NRXN1: variants seen among roughly 807,000 people sequenced by gnomAD.
The protein encoded by NRXN1 is neurexin-1.
A neutral mutation model predicts 150.9 loss-of-function variants in NRXN1; 39 were observed. That is an observed-to-expected ratio of 0.26 (90% CI 0.20 to 0.34). NRXN1 has a LOEUF of 0.34. Ranked by LOEUF, NRXN1 falls within the 10% of genes least tolerant of loss-of-function variation. NRXN1 has a pLI of 1.00. For synonymous variants in NRXN1, 924 were observed against 757.0 expected (o/e 1.22, Z -3.62); for missense variants, 1,815 against 1,949.9 (o/e 0.93, Z 1.30).
intron 5 of NRXN1, among the ~76,000 whole-genome samples, chr2:50,748,879 C>G (rs1700277380): frequency 6.6e-6 from 1 of 152,038 alleles, no homozygotes; most frequent in African/African-American, 2.4e-5. Context: ...CAGTGAGTGT[C>G]TGGTTTCGGT....
intron 8 of NRXN1, among the ~76,000 whole-genome samples, chr2:50,612,210 A>C (rs1326981028): frequency 1.3e-5 from 2 of 151,516 alleles, no homozygotes; most frequent in African/African-American, 4.9e-5. Context: ...TCATTTGCCA[A>C]ATAGGGATAG....
chr2:50,057,443 T>A (rs12053092), intron 19 of NRXN1, among the ~76,000 whole-genome samples: 49,628 of 152,014 alleles, frequency 0.33, 8,573 homozygotes, highest in Non-Finnish European at 0.38. Flanking sequence ...CCTGATGTCA[T>A]CAGGTTACAT....
intron 17 of NRXN1, among the ~76,000 whole-genome samples, chr2:50,301,333 A>T (rs953842495): frequency 6.6e-6 from 1 of 152,202 alleles, no homozygotes; most frequent in Non-Finnish European, 1.5e-5. Context: ...GTGTCTACAG[A>T]CACAGAATTC....
intron 17 of NRXN1, among the ~76,000 whole-genome samples, chr2:50,319,335 A>G (rs371974834): frequency 6.6e-6 from 1 of 152,304 alleles, no homozygotes; most frequent in African/African-American, 2.4e-5. Flanking sequence ...AACGTAGCAT[A>G]AAGTTACACT....
chr2:50,875,191 GA>G (rs1364530115), intron 5 of NRXN1, among the ~76,000 whole-genome samples: 1 of 151,706 alleles, frequency 6.6e-6, no homozygotes, highest in Non-Finnish European at 1.5e-5. Context: ...ATTTTCTTAA[GA>G]GGGGTACATT....
At chr2:49,937,544 A>C (rs2104301863) in intron 22 of NRXN1, among the ~76,000 whole-genome samples, 1 of 152,284 alleles carries the variant, frequency 6.6e-6, no homozygotes, top group African/African-American at 2.4e-5. Context: ...ATATGGAAAA[A>C]ACATTTCCTA....
At chr2:50,345,058 T>C (rs1014784212) in intron 17 of NRXN1, among the ~76,000 whole-genome samples, 1 of 152,176 alleles carries the variant, frequency 6.6e-6, no homozygotes, top group African/African-American at 2.4e-5. Context: ...TGTGGTGAGA[T>C]CACCAGAAAC....
rs372622872 is a variant in NRXN1 at position 50,973,298 on chromosome 2, G to T, written c.773-47343C>A. Among the ~76,000 whole-genome samples, 12 of 152,270 alleles carry T rather than the reference G, an allele frequency of 7.9e-5. 1 individual carries two copies. The highest frequency in any genetic ancestry group is 2.9e-4 in the African/African-American group (12 of 41,566). ...AAGACACTGGCAAACACTGGTCACA[G>T]AAAATGCTCAGAGAGGTGCAGAGAC... On this transcript the variant is annotated intron_variant, in intron 2 of 22. Coordinates refer to ENST00000401669, the MANE Select transcript of NRXN1 (RefSeq NM_001330078.2).
At chr2:49,984,248 T>C (rs952705143) in intron 21 of NRXN1, among the ~76,000 whole-genome samples, 26 of 152,024 alleles carry the variant, frequency 1.7e-4, no homozygotes, top group African/African-American at 6.0e-4. Flanking sequence ...AGATAAGTAA[T>C]CTAACACACA....
At chr2:50,130,666 T>C (rs1705333093) in intron 18 of NRXN1, among the ~76,000 whole-genome samples, 1 of 152,182 alleles carries the variant, frequency 6.6e-6, no homozygotes, top group African/African-American at 2.4e-5. Flanking sequence ...GTACTCTGCA[T>C]GTGAGCAAGT....
At chr2:49,947,530 T>C (rs1673163513) in intron 21 of NRXN1, among the ~76,000 whole-genome samples, 2 of 146,548 alleles carry the variant, frequency 1.4e-5, no homozygotes, top group South Asian at 4.4e-4. Context: ...TTTTTTTTTT[T>C]TGTAGAGATA....
At chr2:50,205,917 G>T (rs1443529168) in intron 18 of NRXN1, among the ~76,000 whole-genome samples, 1 of 152,022 alleles carries the variant, frequency 6.6e-6, no homozygotes, top group African/African-American at 2.4e-5. Context: ...GGAATATGGA[G>T]AAAAAGTAGT....
chr2:50,492,699 G>A (rs2091325543), intron 15 of NRXN1, among the ~76,000 whole-genome samples: 2 of 152,038 alleles, frequency 1.3e-5, no homozygotes, highest in East Asian at 1.9e-4. Context: ...AAAACATAAG[G>A]AGGATAAAAA....
intron 17 of NRXN1, among the ~76,000 whole-genome samples, chr2:50,399,789 T>TAAAAAAAA (rs562980355): frequency 3.3e-5 from 2 of 60,518 alleles, no homozygotes; most frequent in Non-Finnish European, 6.1e-5. Flanking sequence ...AGAGAACTGG[T>TAAAAAAAA]AAAAAAAAAA....
At chr2:50,940,735 A>C (rs2104482266) in intron 2 of NRXN1, among the ~76,000 whole-genome samples, 1 of 152,282 alleles carries the variant, frequency 6.6e-6, no homozygotes, top group Middle Eastern at 3.4e-3. Context: ...TGGAATTCTA[A>C]GGTTTGGTTT....
intron 18 of NRXN1, among the ~76,000 whole-genome samples, chr2:50,220,448 T>C (rs2063798376): frequency 6.6e-6 from 1 of 151,918 alleles, no homozygotes; most frequent in Admixed American, 6.6e-5. Flanking sequence ...ACAAATGCTT[T>C]TTCTGGCCCA....
intron 18 of NRXN1, among the ~76,000 whole-genome samples, chr2:50,157,450 G>A (rs1234675959): frequency 3.9e-5 from 6 of 151,978 alleles, no homozygotes; most frequent in Non-Finnish European, 8.8e-5. Flanking sequence ...CCAGGAATAC[G>A]TATTTTATTC....
intron 19 of NRXN1, among the ~76,000 whole-genome samples, chr2:50,056,203 G>C (rs1251378463): frequency 5.9e-5 from 9 of 152,176 alleles, no homozygotes; most frequent in Non-Finnish European, 8.8e-5. Flanking sequence ...GGAGTGTTTT[G>C]TTAGAGAAGA....
chr2:50,362,245 G>C (rs990898703), intron 17 of NRXN1, among the ~76,000 whole-genome samples: 1 of 152,072 alleles, frequency 6.6e-6, no homozygotes, highest in African/African-American at 2.4e-5. Context: ...GGAAGTTCTG[G>C]CCAGAAAAAT....
Sources: allele counts gnomAD v4.1 joint callset (sites outside exome capture counted in the v4.1 genomes callset), GRCh38; gene constraint gnomAD v4.1.1; transcripts MANE v1.5; gene names NCBI Gene and HGNC (gene_info 2026-07-23, HGNC 2026-07-21).